The following ABCE1 variants were observed in gnomAD, a reference collection of about 807,000 sequenced individuals.
ABCE1 encodes the protein ATP binding cassette subfamily E member 1.
In ABCE1, 22 loss-of-function variants were observed where a neutral mutation model predicts 83.4. That is an observed-to-expected ratio of 0.26 (90% CI 0.19 to 0.38). ABCE1 has a LOEUF of 0.38. Among genes scored for constraint, ABCE1 ranks in the 10% least tolerant of loss-of-function variants. The probability of loss-of-function intolerance (pLI) is 1.00; values close to 1 mark genes in which losing one functional copy is unlikely to be tolerated. For synonymous variants in ABCE1, 204 were observed against 233.7 expected, an observed-to-expected ratio of 0.87 and a Z score of 1.16; for missense variants, 330 against 721.9, an observed-to-expected ratio of 0.46 and a Z score of 6.22.
In ABCE1 at chr4:145,129,286, T is replaced by C. The variant is rs1274386094; in HGVS notation, c.*1713T>C. 3 of 152,186 alleles carry C rather than the reference T, an allele frequency of 2.0e-5. No homozygotes were observed. The highest frequency in any genetic ancestry group is 4.4e-5 in the Non-Finnish European group (3 of 68,012). The allele number at this position is 152,186 out of a possible 1,614,324, so 9.4% of individuals were successfully genotyped here. A position where few individuals can be genotyped will look rare whatever the true frequency, so the allele number is the denominator to read the frequency against. ...TCATGTAAATGAAATCTTTAAAATA[T>C]GTATCTTAAAATTTTACATAGCAAC... is the stretch of plus-strand genomic sequence containing the variant. On this transcript the variant is annotated 3_prime_UTR_variant, in exon 18 of 18. Coordinates refer to ENST00000296577, the MANE Select transcript of ABCE1 (RefSeq NM_002940.3).
At position 145,110,168 on chromosome 4, in the gene ABCE1, A is replaced by G. The variant is rs1287155109; in HGVS notation, c.471A>G (p.Thr157=). 1 of 1,608,550 alleles carries G rather than the reference A, an allele frequency of 6.2e-7. No individual in the cohort carries two copies. The highest frequency in any genetic ancestry group is 8.5e-7 in the Non-Finnish European group (1 of 1,178,430). ...FRGSELQNYF[T]KILEDDLKAI... ...GATCTGAATTACAAAATTACTTTAC[A>G]AAGATTCTAGAAGATGACCTAAAAG... is the stretch of plus-strand genomic sequence containing the variant. Residue 157 remains threonine (T), a synonymous_variant, in exon 6 of 18, where the codon ACA becomes ACG. Transcript: ENST00000296577.
At chr4:145,115,558 A>AT (rs1749587721) in intron 9 of ABCE1, among the ~76,000 whole-genome samples, 1 of 151,588 alleles carries the variant, frequency 6.6e-6, no homozygotes, top group African/African-American at 2.4e-5. Flanking sequence ...TTCTTGCCAG[A>AT]TTACTCCTGA....
chr4:145,118,058 T>C (rs1456693902), intron 10 of ABCE1, among the ~76,000 whole-genome samples: 4 of 151,706 alleles, frequency 2.6e-5, no homozygotes, highest in Non-Finnish European at 3.0e-5. Context: ...TTTTCCTTTT[T>C]TTCTTCCCAT....
chr4:145,115,576 T>C (rs552511795), intron 9 of ABCE1, among the ~76,000 whole-genome samples: 1 of 152,080 alleles, frequency 6.6e-6, no homozygotes, highest in East Asian at 1.9e-4. Context: ...TGAAATGTTT[T>C]CTCATTTCAT....
rs1347651232 is a variant in ABCE1, at chr4:145,128,584, T to G, written c.*1011T>G. The G allele has an allele frequency of 6.6e-6, 1 of 152,158 alleles. No homozygotes were observed. The highest frequency in any genetic ancestry group is 1.9e-4 in the East Asian group (1 of 5,198). 9.4% of individuals were successfully genotyped at this position (152,158 alleles called of 1,614,324 possible). ...GTGAGTTTGGATATAGAGCACATTATCTAAACCATTTTGTAGTTCCAAAAA... is the reference window on the plus strand; with the variant it reads ...GTGAGTTTGGATATAGAGCACATTAGCTAAACCATTTTGTAGTTCCAAAAA... On this transcript the variant is annotated 3_prime_UTR_variant, in exon 18 of 18. Coordinates refer to ENST00000296577, the MANE Select transcript of ABCE1 (RefSeq NM_002940.3).
intron 16 of ABCE1, among the ~76,000 whole-genome samples, chr4:145,124,624 T>G (rs995885044): frequency 6.6e-6 from 1 of 152,210 alleles, no homozygotes; most frequent in Non-Finnish European, 1.5e-5. Flanking sequence ...CATATAAATA[T>G]AACTTTTTAA....
At chr4:145,111,642 T>C (rs1308145839) in intron 8 of ABCE1, among the ~76,000 whole-genome samples, 2 of 152,196 alleles carry the variant, frequency 1.3e-5, no homozygotes, top group African/African-American at 4.8e-5. Flanking sequence ...CCTGTTTTTA[T>C]GTGAAAAGAC....
rs747593344 is a variant in ABCE1, at chr4:145,121,162, T to C, written c.1145-12T>C. The C allele has an allele frequency of 6.2e-7, 1 of 1,612,924 alleles. No individual in the cohort carries two copies. The highest frequency in any genetic ancestry group is 2.2e-5 in the East Asian group (1 of 44,816). ...ATCTTTCAGATCAAACTGTCATATGTTGTGTTGCCAGGAACGGGTAAAACG... is the reference window on the plus strand; with the variant it reads ...ATCTTTCAGATCAAACTGTCATATGCTGTGTTGCCAGGAACGGGTAAAACG... On this transcript the variant is annotated splice_polypyrimidine_tract_variant and intron_variant, in intron 11 of 17. Coordinates refer to ENST00000296577, the MANE Select transcript of ABCE1 (RefSeq NM_002940.3).
chr4:145,116,685 A>C (rs1366244622), intron 9 of ABCE1, among the ~76,000 whole-genome samples: 1 of 151,994 alleles, frequency 6.6e-6, no homozygotes, highest in East Asian at 1.9e-4. Flanking sequence ...CTTCATTCAA[A>C]TATAGCCACT....
intron 17 of ABCE1, among the ~76,000 whole-genome samples, chr4:145,125,990 G>C (rs745371768): frequency 9.0e-4 from 137 of 152,226 alleles, no homozygotes; most frequent in Non-Finnish European, 2.5e-4. Flanking sequence ...GCAGTGAGCT[G>C]AGATCGTTCC....
intron 8 of ABCE1, 58 bp from the exon 9 acceptor site, chr4:145,112,181 A>G (rs1695800541): frequency 1.6e-6 from 2 of 1,239,622 alleles, no homozygotes; most frequent in East Asian, 4.9e-5. Flanking sequence ...AATAGTATGT[A>G]AGGTAGAATG....
In ABCE1 at chr4:145,126,419, G is replaced by A. The variant is rs35082728; in HGVS notation, c.1753-1107G>A. 3.1e-3 allele frequency among the ~76,000 whole-genome samples: 478 copies of A among 152,030 alleles called. 2 individuals carry two copies. Among genetic ancestry groups the A allele is most frequent in the Non-Finnish European group, 4.8e-3 (327 of 67,954 alleles). On this transcript the variant is annotated intron_variant, in intron 17 of 17. Coordinates refer to ENST00000296577, the MANE Select transcript of ABCE1 (RefSeq NM_002940.3). ...AAGCAATTCTCTGCCTCAGCCTCCC[G>A]AGTAGCTGGGATTACAGGTGCCCAC... is the stretch of plus-strand genomic sequence containing the variant.
Position 145,123,592 on chromosome 4 carries a change from T to G in ABCE1, c.1632T>G (p.Val544=). The change falls in exon 16 of 18, where the codon GTT becomes GTG. Residue 544 remains valine, a synonymous_variant. Transcript: ENST00000296577. ...VFDGVPSKNT[V]ANSPQTLLAG... is the part of the protein sequence containing the mutation. ...ATGGTGTTCCATCTAAGAACACAGT[T>G]GCAAACAGGTAAAATTACTTTTTAA... The G allele has an allele frequency of 6.3e-7, 1 of 1,596,614 alleles. No homozygotes were observed. The highest frequency in any genetic ancestry group is 8.6e-7 in the Non-Finnish European group (1 of 1,165,656).
At chr4:145,101,604 A>G (rs377322071) in intron 1 of ABCE1, among the ~76,000 whole-genome samples, 18 of 152,220 alleles carry the variant, frequency 1.2e-4, no homozygotes, top group African/African-American at 4.1e-4. Context: ...TTAGGAAGCT[A>G]TTTGAGTGAT....
At chr4:145,104,068 T>G (rs1290908524) in intron 1 of ABCE1, among the ~76,000 whole-genome samples, 1 of 152,122 alleles carries the variant, frequency 6.6e-6, no homozygotes, top group African/African-American at 2.4e-5. Context: ...TCATTTGGTG[T>G]TGTTTTAAAG....
At chr4:145,101,718 A>G (rs899532600) in intron 1 of ABCE1, among the ~76,000 whole-genome samples, 2 of 152,204 alleles carry the variant, frequency 1.3e-5, no homozygotes, top group Non-Finnish European at 1.5e-5. Flanking sequence ...GGAAAAGAAA[A>G]TGACTTCAAG....
chr4:145,110,810 C>T, intron 7 of ABCE1, 158 bp from the exon 8 acceptor site: 1 of 582,434 alleles, frequency 1.7e-6, no homozygotes, highest in Non-Finnish European at 3.0e-6. Flanking sequence ...GATGAAAGTA[C>T]ACATCTTTAT....
chr4:145,102,711 A>G (rs966701731), intron 1 of ABCE1, among the ~76,000 whole-genome samples: 1 of 152,194 alleles, frequency 6.6e-6, no homozygotes, highest in African/African-American at 2.4e-5. Context: ...CAGTGGAAAT[A>G]TGATAGAATC....
At chr4:145,116,288 A>G (rs558020284) in intron 9 of ABCE1, among the ~76,000 whole-genome samples, 2 of 152,030 alleles carry the variant, frequency 1.3e-5, no homozygotes, top group African/African-American at 4.8e-5. Context: ...TTCATTTGGA[A>G]TTGAGACCCA....
Sources: gnomAD v4.1 joint callset for allele counts (sites outside exome capture counted in the v4.1 genomes callset) on GRCh38, gnomAD v4.1.1 for gene constraint, MANE v1.5 for transcripts, NCBI Gene and HGNC (gene_info 2026-07-23, HGNC 2026-07-21) for gene names.